Variants in MPP7 observed in about 807,000 individuals in gnomAD.
The protein encoded by MPP7 is MAGUK p55 subfamily member 7.
A neutral mutation model predicts 76.5 loss-of-function variants in MPP7; 60 were observed. The observed-to-expected ratio is 0.78, with a 90% CI of 0.64 to 0.97. The LOEUF is 0.97. Among genes scored for constraint, MPP7 ranks in the 50% least tolerant of loss-of-function variants. The pLI, the probability that MPP7 is intolerant of heterozygous loss-of-function variation, is 0.00. For missense variants in MPP7, 641 were observed against 694.0 expected (o/e 0.92, Z 0.86); for synonymous variants, 237 against 244.5 (o/e 0.97, Z 0.29).
At chr10:28,156,374 T>C (rs1009557654) in intron 3 of MPP7, among the ~76,000 whole-genome samples, 3 of 152,182 alleles carry the variant, frequency 2.0e-5, no homozygotes, top group African/African-American at 7.2e-5. Flanking sequence ...TAAGAGGAGA[T>C]TCTCGTCTCC....
chr10:28,242,823 A>G (rs1190252459), intron 1 of MPP7, among the ~76,000 whole-genome samples: 3 of 152,156 alleles, frequency 2.0e-5, no homozygotes, highest in Admixed American at 2.0e-4. Context: ...GCTCATTCAG[A>G]GTAGGAGGAG....
intron 11 of MPP7, among the ~76,000 whole-genome samples, chr10:28,097,607 T>C (rs998061923): frequency 6.6e-6 from 1 of 151,896 alleles, no homozygotes; most frequent in Non-Finnish European, 1.5e-5. Flanking sequence ...AGATGCATAA[T>C]AGAAAAAAAA....
chr10:28,070,030 T>C (rs1448451062), intron 12 of MPP7, among the ~76,000 whole-genome samples, 178 bp from the exon 13 acceptor site: 1 of 152,200 alleles, frequency 6.6e-6, no homozygotes, highest in African/African-American at 2.4e-5. Flanking sequence ...TTGTTGCTTT[T>C]TTACTTTTTC....
At chr10:28,237,903 C>T (rs1052930910) in intron 2 of MPP7, among the ~76,000 whole-genome samples, 1 of 152,172 alleles carries the variant, frequency 6.6e-6, no homozygotes, top group Non-Finnish European at 1.5e-5. Context: ...CTCAAAGAGG[C>T]ATCTACCACC....
chr10:28,187,512 T>C (rs577694547), intron 3 of MPP7, among the ~76,000 whole-genome samples: 4 of 152,320 alleles, frequency 2.6e-5, no homozygotes, highest in South Asian at 4.1e-4. Context: ...TCATTCGCAA[T>C]GTCTGGCTGT....
intron 2 of MPP7, among the ~76,000 whole-genome samples, chr10:28,205,826 T>C (rs959613240): frequency 6.6e-6 from 1 of 152,182 alleles, no homozygotes; most frequent in Non-Finnish European, 1.5e-5. Context: ...CTAAAAAGCA[T>C]GTATCAGAAA....
At chr10:28,232,940 T>C (rs151325615) in intron 2 of MPP7, among the ~76,000 whole-genome samples, 126 of 152,346 alleles carry the variant, frequency 8.3e-4, no homozygotes, top group African/African-American at 2.9e-3. Flanking sequence ...TCTGTACCTA[T>C]ATTATATTTC....
chr10:28,169,984 T>C (rs1159914160), intron 3 of MPP7, among the ~76,000 whole-genome samples: 1 of 152,146 alleles, frequency 6.6e-6, no homozygotes, highest in African/African-American at 2.4e-5. Flanking sequence ...AGAAAGCACT[T>C]TTTATTTGTT....
intron 2 of MPP7, among the ~76,000 whole-genome samples, chr10:28,209,468 C>T (rs1838059404): frequency 8.3e-6 from 1 of 121,132 alleles, no homozygotes; most frequent in Admixed American, 8.4e-5. Flanking sequence ...AATCCTATCT[C>T]CAAAAAAAAA....
intron 2 of MPP7, among the ~76,000 whole-genome samples, chr10:28,314,134 A>G (rs2133177294): frequency 6.6e-6 from 1 of 152,332 alleles, no homozygotes; most frequent in African/African-American, 2.4e-5. Flanking sequence ...ATTATGCATT[A>G]CGATACTTCA....
intron 3 of MPP7, among the ~76,000 whole-genome samples, 154 bp from the exon 4 acceptor site, chr10:28,150,213 C>A (rs80314443): frequency 6.6e-6 from 1 of 152,280 alleles, no homozygotes; most frequent in African/African-American, 2.4e-5. Flanking sequence ...TTTGTACATG[C>A]TAATATAAAC....
intron 1 of MPP7, among the ~76,000 whole-genome samples, chr10:28,262,186 T>A (rs1198499752): frequency 7.7e-4 from 1 of 1,302 alleles, no homozygotes; most frequent in South Asian, 0.062. Flanking sequence ...ATAAATAAAT[T>A]ATATATATAT....
At chr10:28,173,212 T>C (rs1257674519) in intron 3 of MPP7, among the ~76,000 whole-genome samples, 1 of 141,882 alleles carries the variant, frequency 7.0e-6, no homozygotes, top group Admixed American at 7.3e-5. Context: ...TCAGACTCAA[T>C]AGGTGAGTAG....
intron 1 of MPP7, chr10:28,282,026 A>T (rs1840689561): frequency 6.6e-6 from 1 of 152,052 alleles, no homozygotes; most frequent in Non-Finnish European, 1.5e-5. Flanking sequence ...TTCTCTTCAC[A>T]ATGAGGCTTT....
chr10:28,076,810 C>T (rs142954964), intron 12 of MPP7, among the ~76,000 whole-genome samples: 2,721 of 151,594 alleles, frequency 0.018, 54 homozygotes, highest in South Asian at 0.031. Flanking sequence ...ATTGCTTGAA[C>T]GTGGGAGGCA....
At chr10:28,256,107 G>A (rs1012074395) in intron 1 of MPP7, among the ~76,000 whole-genome samples, 1 of 152,070 alleles carries the variant, frequency 6.6e-6, no homozygotes, top group Non-Finnish European at 1.5e-5. Flanking sequence ...AGTGTGAAAA[G>A]GGAAATTTTG....
In MPP7 at chr10:28,246,307, G is replaced by GAA. The variant is rs141431806; in HGVS notation, c.-131-7574_-131-7573dup. 4.7e-4 allele frequency among the ~76,000 whole-genome samples: 70 copies of GAA among 149,152 alleles called. 1 individual carries two copies. In the East Asian group the frequency reaches 0.013, roughly 28 times the overall value. On this transcript the variant is annotated intron_variant, in intron 1 of 16. Coordinates refer to ENST00000683449, the MANE Select transcript of MPP7 (RefSeq NM_001318170.2). Reference sequence around the variant, plus strand: ...AGTAAGATGATACAATCAAAGTGGTGAAAAAAAAAATCTGCCAATCAAGAA... The same window carrying GAA: ...AGTAAGATGATACAATCAAAGTGGTGAAAAAAAAAAAATCTGCCAATCAAGAA...
chr10:28,069,609 A>C (rs1239018989), intron 13 of MPP7, among the ~76,000 whole-genome samples, 163 bp downstream of exon 13: 3 of 130,342 alleles, frequency 2.3e-5, no homozygotes, highest in East Asian at 1.6e-3. Flanking sequence ...TCTCAAAAAA[A>C]CAAAACAAAC....
intron 1 of MPP7, among the ~76,000 whole-genome samples, chr10:28,242,990 T>G (rs1025418467): frequency 2.6e-5 from 4 of 152,154 alleles, no homozygotes; most frequent in African/African-American, 9.7e-5. Context: ...AAGTAACTGC[T>G]GCTATAAACA....
Sources: gnomAD v4.1 joint callset for allele counts (sites outside exome capture counted in the v4.1 genomes callset) on GRCh38, gnomAD v4.1.1 for gene constraint, MANE v1.5 for transcripts, NCBI Gene and HGNC (gene_info 2026-07-23, HGNC 2026-07-21) for gene names.